The following SVOP variants were observed in gnomAD, a reference collection of about 807,000 sequenced individuals.
The protein encoded by SVOP is synaptic vesicle 2-related protein.
SVOP carries 17 observed loss-of-function variants against 69.1 expected under a neutral mutation model. That is an observed-to-expected ratio of 0.25 (90% CI 0.17 to 0.37). SVOP has a LOEUF of 0.37. Among genes scored for constraint, SVOP ranks in the 10% least tolerant of loss-of-function variants. SVOP has a pLI of 1.00. For missense variants in SVOP, 435 were observed against 597.5 expected (o/e 0.73, Z 2.84); for synonymous variants, 238 against 238.6 (o/e 1.00, Z 0.02).
At chr12:109,012,645 C>T (rs1307166795) in intron 1 of SVOP, among the ~76,000 whole-genome samples, 1 of 151,910 alleles carries the variant, frequency 6.6e-6, no homozygotes, top group Non-Finnish European at 1.5e-5. Context: ...TAAGGAAATA[C>T]GGCCAGGTAT....
At chr12:108,926,214 C>G (rs149809930) in intron 11 of SVOP, among the ~76,000 whole-genome samples, 1 of 152,154 alleles carries the variant, frequency 6.6e-6, no homozygotes. Flanking sequence ...GCCACCACAC[C>G]TGGGCTTGTT....
intron 13 of SVOP, 28 bp from the exon 14 acceptor site, chr12:108,918,152 G>A (rs2039725710): frequency 6.5e-7 from 1 of 1,529,190 alleles, no homozygotes; most frequent in Non-Finnish European, 8.8e-7. Context: ...GCAGATGATG[G>A]CATTTTTTTC....
At chr12:108,986,248 A>G (rs2040165247) in intron 1 of SVOP, among the ~76,000 whole-genome samples, 1 of 152,212 alleles carries the variant, frequency 6.6e-6, no homozygotes, top group Non-Finnish European at 1.5e-5. Flanking sequence ...AAGAACACTG[A>G]GGTCCTAGAA....
At chr12:108,959,251 TCTCAGTGG>T (rs764790135) in intron 6 of SVOP, among the ~76,000 whole-genome samples, 1 of 152,024 alleles carries the variant, frequency 6.6e-6, no homozygotes, top group Non-Finnish European at 1.5e-5. Context: ...GCTCAAGAAC[TCTCAGTGG>T]CTCCTCATCA....
At chr12:108,940,667 A>T (rs1203752841) in intron 8 of SVOP, 117 bp downstream of exon 8, 9 of 1,353,418 alleles carry the variant, frequency 6.6e-6, no homozygotes, top group Non-Finnish European at 7.9e-6. Flanking sequence ...TTCCTGATTT[A>T]AAAAAAATAA....
At chr12:108,949,260 T>C (rs2039940973) in intron 6 of SVOP, among the ~76,000 whole-genome samples, 1 of 136,826 alleles carries the variant, frequency 7.3e-6, no homozygotes, top group African/African-American at 2.6e-5. Context: ...CAGAGTTTGC[T>C]TTGCAATCTT....
At chr12:108,962,433 A>T (rs561513169) in intron 5 of SVOP, among the ~76,000 whole-genome samples, 1 of 152,018 alleles carries the variant, frequency 6.6e-6, no homozygotes, top group African/African-American at 2.4e-5. Flanking sequence ...TGACTAGGTT[A>T]TTTTATCTTT....
intron 6 of SVOP, among the ~76,000 whole-genome samples, 200 bp from the exon 7 acceptor site, chr12:108,945,366 G>A (rs2039916605): frequency 6.6e-6 from 1 of 152,074 alleles, no homozygotes; most frequent in Non-Finnish European, 1.5e-5. Flanking sequence ...CAGACTCCAA[G>A]GGATGAGGCC....
chr12:109,008,488 A>G (rs1026300257), intron 1 of SVOP, among the ~76,000 whole-genome samples: 1 of 152,046 alleles, frequency 6.6e-6, no homozygotes, highest in Non-Finnish European at 1.5e-5. Flanking sequence ...GATTTTATTT[A>G]TTTGCATTTT....
intron 15 of SVOP, among the ~76,000 whole-genome samples, chr12:108,914,482 A>G (rs1313848267): frequency 2.6e-5 from 4 of 152,238 alleles, no homozygotes; most frequent in Admixed American, 6.5e-5. Context: ...AAAATTCTGC[A>G]ATGACGTCTA....
intron 11 of SVOP, among the ~76,000 whole-genome samples, chr12:108,929,747 C>G (rs1488508147): frequency 6.6e-6 from 1 of 152,168 alleles, no homozygotes; most frequent in Non-Finnish European, 1.5e-5. Flanking sequence ...GAAAGGAGCC[C>G]AGTTCTATAC....
chr12:108,941,409 A>G (rs36165489), intron 7 of SVOP, among the ~76,000 whole-genome samples: 79,415 of 151,874 alleles, frequency 0.52, 21,778 homozygotes, highest in South Asian at 0.63. Context: ...TATTTTTAGT[A>G]GAGACAGGGT....
chr12:108,980,880 G>A (rs1434526642), intron 2 of SVOP, among the ~76,000 whole-genome samples: 3 of 151,978 alleles, frequency 2.0e-5, no homozygotes, highest in Admixed American at 6.6e-5. Flanking sequence ...AGCTGAGACC[G>A]TACCACTGCA....
chr12:109,015,712 G>A (rs1482428950), intron 1 of SVOP, among the ~76,000 whole-genome samples: 2 of 152,152 alleles, frequency 1.3e-5, no homozygotes, highest in African/African-American at 4.8e-5. Flanking sequence ...ATAATCGCTT[G>A]AACCTGGGAG....
At position 108,988,770 on chromosome 12, in the gene SVOP, C is replaced by CTTTTTTTTT. The variant is rs758822738; in HGVS notation, c.36-5018_36-5010dup. ...TCTTCCTTTCTTACTTCTTTTCTCT[C>CTTTTTTTTT]TTTTTTTTTTTTTTTTTTTTGAGAC... On this transcript the variant is annotated intron_variant, in intron 1 of 15. Coordinates refer to ENST00000610966, the MANE Select transcript of SVOP (RefSeq NM_018711.5). 1.2e-4 allele frequency among the ~76,000 whole-genome samples: 11 copies of CTTTTTTTTT among 92,158 alleles called. 1 individual carries two copies. The highest frequency in any genetic ancestry group is 1.1e-3 in the East Asian group (3 of 2,780). The allele number at this position is 92,158 out of a possible 152,430, so 60.5% of individuals were successfully genotyped here.
rs1593191664 is a variant in SVOP at position 108,960,785 on chromosome 12, C to T, written c.578+138G>A. Reference sequence around the variant, plus strand: ...GCTATTTTCTTGCTACACCATAGCTCCTTGATCCTGGAAGCCCTGGTATAG... The same window carrying T: ...GCTATTTTCTTGCTACACCATAGCTTCTTGATCCTGGAAGCCCTGGTATAG... On this transcript the variant is annotated intron_variant, in intron 6 of 15. Coordinates refer to ENST00000610966, the MANE Select transcript of SVOP (RefSeq NM_018711.5). 1.6e-5 allele frequency: 17 copies of T among 1,037,394 alleles called. No homozygotes were observed. The East Asian group carries it at 4.5e-4, about 27-fold the overall frequency. 64.3% of individuals were successfully genotyped at this position (1,037,394 alleles called of 1,614,324 possible). A position where few individuals can be genotyped will look rare whatever the true frequency, so the allele number is the denominator to read the frequency against.
intron 11 of SVOP, among the ~76,000 whole-genome samples, chr12:108,932,280 C>T (rs2039825413): frequency 6.6e-6 from 1 of 152,044 alleles, no homozygotes; most frequent in Non-Finnish European, 1.5e-5. Context: ...TCCTCCCAAA[C>T]CGCTAGGATT....
At chr12:108,991,269 C>T (rs968388066) in intron 1 of SVOP, among the ~76,000 whole-genome samples, 1 of 152,110 alleles carries the variant, frequency 6.6e-6, no homozygotes, top group Non-Finnish European at 1.5e-5. Flanking sequence ...ATCTCTTAAG[C>T]AGTACTTGCC....
chr12:108,924,909 C>T (rs2039771143), intron 11 of SVOP, among the ~76,000 whole-genome samples: 1 of 152,190 alleles, frequency 6.6e-6, no homozygotes, highest in South Asian at 2.1e-4. Context: ...ACTCTGACCA[C>T]TGCCCTTGAT....
Sources: gnomAD v4.1 joint callset for allele counts (sites outside exome capture counted in the v4.1 genomes callset) on GRCh38, gnomAD v4.1.1 for gene constraint, MANE v1.5 for transcripts, NCBI Gene and HGNC (gene_info 2026-07-23, HGNC 2026-07-21) for gene names.